The following SMOX variants were observed in gnomAD, a reference collection of about 807,000 sequenced individuals.
The protein encoded by SMOX is spermine oxidase.
SMOX carries 22 observed loss-of-function variants against 51.0 expected under a neutral mutation model. The observed-to-expected ratio is 0.43, with a 90% CI of 0.31 to 0.62. The LOEUF (loss-of-function observed/expected upper bound fraction) is 0.62, where lower values mean the gene tolerates loss of function less well. Among genes scored for constraint, SMOX ranks in the 20% least tolerant of loss-of-function variants. The pLI is 0.10. For synonymous variants in SMOX, 282 were observed against 307.8 expected, an observed-to-expected ratio of 0.92 and a Z score of 0.88; for missense variants, 566 against 777.7, an observed-to-expected ratio of 0.73 and a Z score of 3.24.
At position 4,181,500 on chromosome 20, in the gene SMOX, G is replaced by T. The variant is rs922045179; in HGVS notation, c.436-303G>T. On this transcript the variant is annotated intron_variant, in intron 3 of 6. Transcript: ENST00000305958. This position sits in a 1 kb window ranked among gnomAD's most constrained non-coding sequence, Gnocchi z 5.6. ...GAGGCCCATGCAGAGTCCATGAGGG[G>T]TGGCTTCTTTCCCACAGACTGTATG... Among the ~76,000 whole-genome samples the T allele has an allele frequency of 6.6e-6, 1 of 152,214 alleles. No homozygotes were observed. Among genetic ancestry groups the T allele is most frequent in the African/African-American group, 2.4e-5 (1 of 41,452 alleles).
chr20:4,168,666 C>T (rs1250959667), intron 1 of SMOX, among the ~76,000 whole-genome samples: 7 of 151,734 alleles, frequency 4.6e-5, no homozygotes, highest in Non-Finnish European at 8.8e-5. Flanking sequence ...AAGCGATTCT[C>T]CTGCCTCAGC....
In SMOX at chr20:4,182,262, C is replaced by T. The variant is rs554913776; in HGVS notation, c.783C>T (p.Val261=). ...PAHVIQLGKP[V]RCIHWDQASA... ...ACGTCATCCAGCTAGGGAAACCTGTCCGCTGCATTCACTGGGACCAGGCCT... is the reference window on the plus strand; with the variant it reads ...ACGTCATCCAGCTAGGGAAACCTGTTCGCTGCATTCACTGGGACCAGGCCT... Residue 261 remains valine (V), a synonymous_variant, in exon 5 of 7, where the codon GTC becomes GTT. Coordinates refer to ENST00000305958, the MANE Select transcript of SMOX (RefSeq NM_175839.3). This position sits in a 1 kb window ranked among gnomAD's most constrained non-coding sequence, Gnocchi z 8.4. The T allele has an allele frequency of 3.1e-6, 5 of 1,613,494 alleles. No individual in the cohort carries two copies. The East Asian group carries it at 6.7e-5, about 22-fold the overall frequency.
chr20:4,149,837 G>A lies in SMOX; in HGVS notation c.-27+860G>A, dbSNP rs1417423004. Among the ~76,000 whole-genome samples the A allele has an allele frequency of 6.6e-6, 1 of 152,318 alleles. No homozygotes were observed. ...GGCACATCACGTACCAGTCTGTGGG[G>A]GCAACTTGGCCGTGATTGGAGCCAG... On this transcript the variant is annotated intron_variant, in intron 1 of 6. Transcript: ENST00000305958. The surrounding 1 kb of genome is among the most constrained non-coding windows in gnomAD (Gnocchi z 6.0).
In SMOX at chr20:4,166,273, C is replaced by T. The variant is rs1986566009; in HGVS notation, c.-26-8757C>T. On this transcript the variant is annotated intron_variant, in intron 1 of 6. Transcript: ENST00000305958. The surrounding 1 kb of genome is among the most constrained non-coding windows in gnomAD (Gnocchi z 4.2). The stretch of plus-strand genomic sequence containing the variant: ...ACTGCAGTACCAAGCTCTGTTCTGG[C>T]CCATCTCTACCTGTGTCTCTCTCTG... 1.3e-5 allele frequency among the ~76,000 whole-genome samples: 2 copies of T among 152,130 alleles called. No individual in the cohort carries two copies. Among genetic ancestry groups the T allele is most frequent in the African/African-American group, 4.8e-5 (2 of 41,408 alleles).
chr20:4,163,969 C>A (rs1321672993), intron 1 of SMOX, among the ~76,000 whole-genome samples: 2 of 152,156 alleles, frequency 1.3e-5, no homozygotes, highest in South Asian at 4.1e-4. Context: ...GGCACGAATC[C>A]CAGGAGGTAG....
Position 4,187,457 on chromosome 20 carries a change from GC to G in SMOX, c.*54del, listed in dbSNP as rs1463820692. On this transcript the variant is annotated 3_prime_UTR_variant, in exon 7 of 7. Transcript: ENST00000305958. This position sits in a 1 kb window ranked among gnomAD's most constrained non-coding sequence, Gnocchi z 4.8. ...GCCACTAACTCGTGACCTCCAGCCT[GC>G]CCCTTGCTGCCGTGTGCTCCTGCCT... 2 of 1,591,808 alleles carry G rather than the reference GC, an allele frequency of 1.3e-6. No homozygotes were observed. The highest frequency in any genetic ancestry group is 1.7e-6 in the Non-Finnish European group (2 of 1,166,876).
At chr20:4,160,906 G>T (rs1986279325) in intron 1 of SMOX, among the ~76,000 whole-genome samples, 1 of 152,202 alleles carries the variant, frequency 6.6e-6, no homozygotes, top group South Asian at 2.1e-4. Context: ...TGTGGCTCAG[G>T]AGGCAGGATG....
At position 4,181,442 on chromosome 20, in the gene SMOX, A is replaced by G. The variant is rs1979312377; in HGVS notation, c.436-361A>G. On this transcript the variant is annotated intron_variant, in intron 3 of 6. Transcript: ENST00000305958. The surrounding 1 kb of genome is among the most constrained non-coding windows in gnomAD (Gnocchi z 5.6). ...TCTTGGAACAGGTAAATGTGTGCAA[A>G]TGCCCATCCTCCAGTGGGAGGTGGA... 6.6e-6 allele frequency among the ~76,000 whole-genome samples: 1 copy of G among 152,212 alleles called. No individual in the cohort carries two copies. Among genetic ancestry groups the G allele is most frequent in the Admixed American group, 6.5e-5 (1 of 15,290 alleles).
intron 1 of SMOX, among the ~76,000 whole-genome samples, chr20:4,150,667 A>G (rs1259090717): frequency 6.6e-6 from 1 of 152,134 alleles, no homozygotes; most frequent in East Asian, 1.9e-4. Context: ...ATGGTTTTAA[A>G]TAGCAGATTT....
chr20:4,179,524 C>T (rs906893407), intron 3 of SMOX, among the ~76,000 whole-genome samples: 1 of 152,146 alleles, frequency 6.6e-6, no homozygotes, highest in Admixed American at 6.6e-5. Context: ...GAAACCTTGC[C>T]TCAGTGTGGC....
Position 4,183,468 on chromosome 20 carries a change from T to G in SMOX, c.1370-26T>G. The G allele has an allele frequency of 6.2e-7, 1 of 1,614,110 alleles. No homozygotes were observed. Among genetic ancestry groups the G allele is most frequent in the Non-Finnish European group, 8.5e-7 (1 of 1,180,012 alleles). ...TGCAGCCATTTCTTATCCTCCCTCCTCTTGGCTTTTCTGACTCTCCATCAG... is the reference window on the plus strand; with the variant it reads ...TGCAGCCATTTCTTATCCTCCCTCCGCTTGGCTTTTCTGACTCTCCATCAG... On this transcript the variant is annotated intron_variant, in intron 5 of 6. Transcript: ENST00000305958. This position sits in a 1 kb window ranked among gnomAD's most constrained non-coding sequence, Gnocchi z 4.3.
chr20:4,175,092 G>T lies in SMOX; in HGVS notation c.37G>T (p.Asp13Tyr). Residue 13 changes from aspartate to tyrosine, a missense_variant, in exon 2 of 7, where the codon GAC becomes TAC. Around this residue, in one of 3 missense-constraint regions of SMOX, gnomAD observed 217 missense variants for 278.4 expected, o/e 0.78. Coordinates refer to ENST00000305958, the MANE Select transcript of SMOX (RefSeq NM_175839.3). ...SCESSGDSADDPLSRGLRRRG... is the reference protein window; with the variant it reads ...SCESSGDSADYPLSRGLRRRG... ...TGAATCCAGTGGTGACAGTGCGGAT[G>T]ACCCTCTCAGTCGCGGCCTACGGAG... is the stretch of plus-strand genomic sequence containing the variant. 6.2e-7 allele frequency: 1 copy of T among 1,614,226 alleles called. No individual in the cohort carries two copies. Among genetic ancestry groups the T allele is most frequent in the South Asian group, 1.1e-5 (1 of 91,082 alleles).
chr20:4,168,718 G>C (rs1986686011), intron 1 of SMOX, among the ~76,000 whole-genome samples: 2 of 151,842 alleles, frequency 1.3e-5, no homozygotes, highest in East Asian at 3.9e-4. Context: ...CACCACGCTT[G>C]GCTAATTTTT....
At chr20:4,186,950 C>T (rs1979783049) in intron 6 of SMOX, 3 of 629,550 alleles carry the variant, frequency 4.8e-6, no homozygotes, top group East Asian at 5.4e-5. Flanking sequence ...GGTATAAACC[C>T]ATTTGGAAGA....
At position 4,187,460 on chromosome 20, in the gene SMOX, C is replaced by T; in HGVS notation, c.*53C>T. 2 of 1,592,196 alleles carry T rather than the reference C, an allele frequency of 1.3e-6. No homozygotes were observed. Among genetic ancestry groups the T allele is most frequent in the Non-Finnish European group, 1.7e-6 (2 of 1,166,834 alleles). Reference sequence around the variant, plus strand: ...ACTAACTCGTGACCTCCAGCCTGCCCCTTGCTGCCGTGTGCTCCTGCCTTC... The same window carrying T: ...ACTAACTCGTGACCTCCAGCCTGCCTCTTGCTGCCGTGTGCTCCTGCCTTC... On this transcript the variant is annotated 3_prime_UTR_variant, in exon 7 of 7. Coordinates refer to ENST00000305958, the MANE Select transcript of SMOX (RefSeq NM_175839.3). This position sits in a 1 kb window ranked among gnomAD's most constrained non-coding sequence, Gnocchi z 4.8.
At chr20:4,176,130 C>G (rs1187896355) in intron 2 of SMOX, 2 of 150,544 alleles carry the variant, frequency 1.3e-5, no homozygotes, top group Non-Finnish European at 2.9e-5. Flanking sequence ...AAGAGATTCT[C>G]CCGCCTCAGC....
At chr20:4,157,110 C>T (rs1425095034) in intron 1 of SMOX, among the ~76,000 whole-genome samples, 1 of 152,148 alleles carries the variant, frequency 6.6e-6, no homozygotes, top group Non-Finnish European at 1.5e-5. Context: ...GCAAGTTCTC[C>T]CCAGCCTTTC....
Position 4,183,236 on chromosome 20 carries a change from G to A in SMOX, c.1370-258G>A, listed in dbSNP as rs572192972. The A allele has an allele frequency of 1.7e-6, 1 of 588,328 alleles. No homozygotes were observed. Among genetic ancestry groups the A allele is most frequent in the East Asian group, 2.9e-5 (1 of 34,250 alleles). 36.4% of individuals were successfully genotyped at this position (588,328 alleles called of 1,614,324 possible). A position where few individuals can be genotyped will look rare whatever the true frequency, so the allele number is the denominator to read the frequency against. ...CCCCCGATATTAGGCGGGGAAACAT[G>A]ATTATGTGTCATGTGTTTTCAGATA... On this transcript the variant is annotated intron_variant, in intron 5 of 6. Transcript: ENST00000305958. The surrounding 1 kb of genome is among the most constrained non-coding windows in gnomAD (Gnocchi z 4.3).
At position 4,182,293 on chromosome 20, in the gene SMOX, C is replaced by T. The variant is rs775375295; in HGVS notation, c.814C>T (p.Arg272Cys). 30 of 1,607,726 alleles carry T rather than the reference C, an allele frequency of 1.9e-5. No homozygotes were observed. Among genetic ancestry groups the T allele is most frequent in the East Asian group, 2.2e-5 (1 of 44,640 alleles). Residue 272 changes from arginine (R) to cysteine (C), a missense_variant, in exon 5 of 7, where the codon CGC becomes TGC. Around this residue, in one of 3 missense-constraint regions of SMOX, gnomAD observed 347 missense variants for 481.8 expected, o/e 0.72. Transcript: ENST00000305958. The surrounding 1 kb of genome is among the most constrained non-coding windows in gnomAD (Gnocchi z 8.4). ...CATTCACTGGGACCAGGCCTCAGCC[C>T]GCCCCAGAGGCCCTGAGATTGAGCC... ...RCIHWDQASARPRGPEIEPRG... is the reference protein window; with the variant it reads ...RCIHWDQASACPRGPEIEPRG...
Sources: allele counts gnomAD v4.1 joint callset (sites outside exome capture counted in the v4.1 genomes callset), GRCh38; gene constraint gnomAD v4.1.1; regional missense constraint gnomAD v4.1.1; non-coding constraint Gnocchi (gnomAD v3.1); transcripts MANE v1.5; gene names NCBI Gene and HGNC (gene_info 2026-07-23, HGNC 2026-07-21).